Variants in RGS6 observed in about 807,000 individuals in gnomAD.
RGS6 encodes the protein regulator of G-protein signaling 6.
In RGS6, 30 loss-of-function variants were observed where a neutral mutation model predicts 78.5. The ratio of observed to expected loss-of-function variants is 0.38; its 90% CI spans 0.29 to 0.52. RGS6 has a LOEUF of 0.52. Among genes scored for constraint, RGS6 ranks in the 20% least tolerant of loss-of-function variants. RGS6 has a pLI of 0.85. For synonymous variants in RGS6, 206 were observed against 206.0 expected (o/e 1.00, Z 0.00); for missense variants, 495 against 609.7 (o/e 0.81, Z 1.98).
rs759785236 is a variant in RGS6, at chr14:72,531,231, G to A, written c.1279-4955G>A. On this transcript the variant is annotated intron_variant, in intron 15 of 17. Coordinates refer to ENST00000553525, the MANE Select transcript of RGS6 (RefSeq NM_001204424.2). ...GTGGATCACTTGAGGCCAGGAGTTC[G>A]AGACCAGCCTGGCCAACATGGGGAA... Among the ~76,000 whole-genome samples the A allele has an allele frequency of 4.6e-5, 7 of 152,008 alleles. 1 individual carries two copies. The highest frequency in any genetic ancestry group is 4.6e-4 in the Admixed American group (7 of 15,262).
At chr14:71,965,137 C>T (rs1193575658) in intron 2 of RGS6, among the ~76,000 whole-genome samples, 1 of 152,188 alleles carries the variant, frequency 6.6e-6, no homozygotes, top group East Asian at 1.9e-4. Context: ...TGGGAAGACA[C>T]ATTCTCCTTC....
chr14:72,147,168 T>C (rs2096616769), intron 2 of RGS6, among the ~76,000 whole-genome samples: 1 of 152,258 alleles, frequency 6.6e-6, no homozygotes, highest in Non-Finnish European at 1.5e-5. Context: ...TCACCCTTAA[T>C]GCCCCATTCA....
intron 2 of RGS6, among the ~76,000 whole-genome samples, chr14:72,172,984 T>C (rs752708992): frequency 3.4e-4 from 52 of 152,246 alleles, no homozygotes; most frequent in Admixed American, 2.0e-3. Context: ...ACTGGAGATA[T>C]TTTTCTGCCC....
chr14:72,468,162 C>G (rs1480413716), intron 7 of RGS6, among the ~76,000 whole-genome samples: 1 of 152,034 alleles, frequency 6.6e-6, no homozygotes, highest in Non-Finnish European at 1.5e-5. Flanking sequence ...GGGCAGATCA[C>G]GAGGTCAGGA....
chr14:72,479,881 CTGTCCT>C (rs2096331856), intron 12 of RGS6, among the ~76,000 whole-genome samples: 2 of 152,192 alleles, frequency 1.3e-5, no homozygotes, highest in Non-Finnish European at 2.9e-5. Context: ...ACAGAAATGG[CTGTCCT>C]AGTATACTTT....
chr14:72,017,212 T>G (rs1485971848), intron 2 of RGS6, among the ~76,000 whole-genome samples: 1 of 152,204 alleles, frequency 6.6e-6, no homozygotes, highest in Non-Finnish European at 1.5e-5. Flanking sequence ...GATTTAAATT[T>G]TTTTATCCCA....
At chr14:72,282,465 CAG>C (rs1447325189) in intron 2 of RGS6, among the ~76,000 whole-genome samples, 2 of 152,186 alleles carry the variant, frequency 1.3e-5, no homozygotes, top group Admixed American at 6.5e-5. Flanking sequence ...ATCCCACTAA[CAG>C]AGGGGTTGGA....
At chr14:72,598,762 C>T in the RGS6 span, among the ~76,000 whole-genome samples, 1 of 152,234 alleles carries the variant, frequency 6.6e-6, no homozygotes, top group South Asian at 2.1e-4. Flanking sequence ...CTTCTCTGTG[C>T]TATGCCAGCA....
chr14:72,576,182 T>C, the RGS6 span, among the ~76,000 whole-genome samples: 1 of 152,224 alleles, frequency 6.6e-6, no homozygotes, highest in African/African-American at 2.4e-5. Flanking sequence ...AAGTACAAAT[T>C]TTATTCTCCC....
intron 16 of RGS6, 66 bp from the exon 17 acceptor site, chr14:72,539,975 C>T (rs948938361): frequency 1.4e-6 from 2 of 1,380,744 alleles, no homozygotes; most frequent in South Asian, 2.7e-5. Context: ...GTTTGGGAAC[C>T]ACGTATAAGC....
intron 2 of RGS6, among the ~76,000 whole-genome samples, chr14:72,277,460 G>C (rs1314675106): frequency 6.6e-6 from 1 of 152,128 alleles, no homozygotes; most frequent in African/African-American, 2.4e-5. Flanking sequence ...AGCTGGGAGT[G>C]GTGGCACGTG....
chr14:72,248,285 A>G (rs914225945), intron 2 of RGS6, among the ~76,000 whole-genome samples: 1 of 152,218 alleles, frequency 6.6e-6, no homozygotes, highest in Non-Finnish European at 1.5e-5. Context: ...ATGAGAAGCC[A>G]GCTGTGGTCC....
chr14:72,115,013 C>A (rs1021342564), intron 2 of RGS6, among the ~76,000 whole-genome samples: 4 of 152,196 alleles, frequency 2.6e-5, no homozygotes, highest in African/African-American at 9.6e-5. Flanking sequence ...TCTAACAGAT[C>A]ATTTACTAAC....
In RGS6 at chr14:72,454,291, A is replaced by G. The variant is rs189425711; in HGVS notation, c.185-237A>G. Reference sequence around the variant, plus strand: ...CTATAGACACTTCCTAGAAACATGAATATAAGCTCATCCTGCATCATCAGA... The same window carrying G: ...CTATAGACACTTCCTAGAAACATGAGTATAAGCTCATCCTGCATCATCAGA... On this transcript the variant is annotated intron_variant, in intron 3 of 17. Coordinates refer to ENST00000553525, the MANE Select transcript of RGS6 (RefSeq NM_001204424.2). 5.6e-4 allele frequency among the ~76,000 whole-genome samples: 85 copies of G among 152,264 alleles called. 1 individual carries two copies. Among genetic ancestry groups the G allele is most frequent in the African/African-American group, 1.9e-3 (81 of 41,548 alleles).
At chr14:72,386,408 C>G (rs1388584618) in intron 3 of RGS6, among the ~76,000 whole-genome samples, 1 of 152,066 alleles carries the variant, frequency 6.6e-6, no homozygotes, top group Admixed American at 6.6e-5. Flanking sequence ...CATGGTTTTG[C>G]ATGCTTGTAG....
intron 8 of RGS6, among the ~76,000 whole-genome samples, chr14:72,471,462 G>A (rs535386310): frequency 6.6e-6 from 1 of 152,336 alleles, no homozygotes; most frequent in East Asian, 1.9e-4. Context: ...CTGGGAGAAT[G>A]GGACTATGTT....
chr14:72,137,005 T>C (rs1451734979), intron 2 of RGS6, among the ~76,000 whole-genome samples: 4 of 152,192 alleles, frequency 2.6e-5, no homozygotes, highest in Non-Finnish European at 1.5e-5. Context: ...TTCATTCCAA[T>C]CTTCCTCAGT....
chr14:72,303,851 TTAAGA>T lies in RGS6; in HGVS notation c.85-48241_85-48237del, dbSNP rs561885876. ...TATTCTAAACCTCTTCTTTCACCTATTAAGATATCATTTCTCTATTGTAAGACTTA... is the reference window on the plus strand; with the variant it reads ...TATTCTAAACCTCTTCTTTCACCTATTATCATTTCTCTATTGTAAGACTTA... On this transcript the variant is annotated intron_variant, in intron 2 of 17. Transcript: ENST00000553525. Among the ~76,000 whole-genome samples, 27 of 152,332 alleles carry T rather than the reference TTAAGA, an allele frequency of 1.8e-4. No individual in the cohort carries two copies. In the South Asian group the frequency reaches 5.6e-3, roughly 32 times the overall value.
chr14:72,003,573 C>T (rs2083915307), intron 2 of RGS6, among the ~76,000 whole-genome samples: 1 of 151,842 alleles, frequency 6.6e-6, no homozygotes, highest in African/African-American at 2.4e-5. Context: ...TTTGTTTAGT[C>T]TGTTTTTTTT....
Sources: allele counts gnomAD v4.1 joint callset (sites outside exome capture counted in the v4.1 genomes callset), GRCh38; gene constraint gnomAD v4.1.1; transcripts MANE v1.5; gene names NCBI Gene and HGNC (gene_info 2026-07-23, HGNC 2026-07-21).